The following DRC11 variants were observed in gnomAD, a reference collection of about 807,000 sequenced individuals.
DRC11 encodes the protein dynein regulatory complex subunit 11.
At chr2:236,503,750 C>T in the DRC11 span, 6 of 1,497,048 alleles carry the variant, frequency 4.0e-6, no homozygotes, top group Non-Finnish European at 5.5e-6. This position sits in a 1 kb window ranked among gnomAD's most constrained non-coding sequence, Gnocchi z 4.9. Context: ...GACCACACCC[C>T]CTCCCACACT....
At chr2:236,380,432 T>G in the DRC11 span, 1 of 673,794 alleles carries the variant, frequency 1.5e-6, no homozygotes, top group Non-Finnish European at 2.6e-6. This position sits in a 1 kb window ranked among gnomAD's most constrained non-coding sequence, Gnocchi z 4.9. Context: ...TGTAGGGACT[T>G]AGAGGTGGCT....
At chr2:236,426,563 C>A in the DRC11 span, among the ~76,000 whole-genome samples, 1 of 151,952 alleles carries the variant, frequency 6.6e-6, no homozygotes, top group African/African-American at 2.4e-5. This position sits in a 1 kb window ranked among gnomAD's most constrained non-coding sequence, Gnocchi z 4.1. Context: ...TTTCCTTTTT[C>A]TTTTTCAAAA....
the DRC11 span, among the ~76,000 whole-genome samples, chr2:236,401,501 C>G: frequency 6.6e-6 from 1 of 152,164 alleles, no homozygotes; most frequent in Non-Finnish European, 1.5e-5. The surrounding 1 kb of genome is among the most constrained non-coding windows in gnomAD (Gnocchi z 4.6). Context: ...CTGGATGAAA[C>G]AAGAAGAGGG....
chr2:236,342,453 G>A, the DRC11 span, among the ~76,000 whole-genome samples: 21 of 152,308 alleles, frequency 1.4e-4, no homozygotes, highest in East Asian at 3.5e-3. This position sits in a 1 kb window ranked among gnomAD's most constrained non-coding sequence, Gnocchi z 5.8. Context: ...TGGCCACCTG[G>A]GGCCCTGGTG....
chr2:236,478,283 T>C, the DRC11 span, among the ~76,000 whole-genome samples: 1 of 152,224 alleles, frequency 6.6e-6, no homozygotes, highest in African/African-American at 2.4e-5. This position sits in a 1 kb window ranked among gnomAD's most constrained non-coding sequence, Gnocchi z 5.9. Flanking sequence ...AAAATTTTCC[T>C]CTTAATTTCT....
At chr2:236,404,611 T>A in the DRC11 span, among the ~76,000 whole-genome samples, 1 of 152,220 alleles carries the variant, frequency 6.6e-6, no homozygotes, top group Non-Finnish European at 1.5e-5. Flanking sequence ...CTTTGCGGCA[T>A]GTGAAGGTGG....
chr2:236,497,498 A>G, the DRC11 span: 1 of 1,580,544 alleles, frequency 6.3e-7, no homozygotes, highest in African/African-American at 1.4e-5. The surrounding 1 kb of genome is among the most constrained non-coding windows in gnomAD (Gnocchi z 5.1). Flanking sequence ...CTGGGGGAAG[A>G]GAGAGAATTT....
the DRC11 span, among the ~76,000 whole-genome samples, chr2:236,435,316 G>T: frequency 2.3e-3 from 345 of 152,358 alleles, 1 homozygote; most frequent in African/African-American, 7.8e-3. Context: ...CATGGCAGGG[G>T]TCAGCAAATT....
the DRC11 span, among the ~76,000 whole-genome samples, chr2:236,438,264 G>A: frequency 0.01 from 1,363 of 134,586 alleles, 16 homozygotes; most frequent in African/African-American, 0.037. Context: ...GATATGCGGC[G>A]TTATTTCTGA....
At chr2:236,405,444 C>A in the DRC11 span, among the ~76,000 whole-genome samples, 2 of 151,690 alleles carry the variant, frequency 1.3e-5, no homozygotes, top group African/African-American at 4.8e-5. This position sits in a 1 kb window ranked among gnomAD's most constrained non-coding sequence, Gnocchi z 4.6. Context: ...GTTTTCTGGG[C>A]CTTGCTTTCT....
At chr2:236,470,758 C>G in the DRC11 span, among the ~76,000 whole-genome samples, 210 of 152,244 alleles carry the variant, frequency 1.4e-3, 1 homozygote, top group African/African-American at 4.7e-3. This position sits in a 1 kb window ranked among gnomAD's most constrained non-coding sequence, Gnocchi z 5.1. Flanking sequence ...TGATGGTTTG[C>G]TTTTGCCCTC....
At chr2:236,448,887 T>C in the DRC11 span, among the ~76,000 whole-genome samples, 1 of 151,500 alleles carries the variant, frequency 6.6e-6, no homozygotes, top group Non-Finnish European at 1.5e-5. The surrounding 1 kb of genome is among the most constrained non-coding windows in gnomAD (Gnocchi z 5.3). Context: ...TGAGATGGAG[T>C]CTCGCTCTGT....
At chr2:236,463,525 A>G in the DRC11 span, among the ~76,000 whole-genome samples, 4 of 152,196 alleles carry the variant, frequency 2.6e-5, no homozygotes, top group African/African-American at 9.7e-5. This position sits in a 1 kb window ranked among gnomAD's most constrained non-coding sequence, Gnocchi z 5.0. Context: ...TATTGTAGGA[A>G]AAGATGGAAC....
At chr2:236,482,512 G>C in the DRC11 span, among the ~76,000 whole-genome samples, 1 of 152,138 alleles carries the variant, frequency 6.6e-6, no homozygotes, top group Non-Finnish European at 1.5e-5. The surrounding 1 kb of genome is among the most constrained non-coding windows in gnomAD (Gnocchi z 4.5). Flanking sequence ...TGTTAAGAAT[G>C]AGCATCTCAT....
chr2:236,435,446 C>T, the DRC11 span, among the ~76,000 whole-genome samples: 1 of 152,120 alleles, frequency 6.6e-6, no homozygotes, highest in African/African-American at 2.4e-5. Flanking sequence ...CGGTATTAGT[C>T]CATTCTCACA....
chr2:236,466,857 T>C, the DRC11 span, among the ~76,000 whole-genome samples: 1 of 152,320 alleles, frequency 6.6e-6, no homozygotes, highest in Admixed American at 6.5e-5. Context: ...CTTTTTTGTA[T>C]TCAGTTTTCA....
the DRC11 span, among the ~76,000 whole-genome samples, chr2:236,433,638 T>C: frequency 6.6e-6 from 1 of 152,236 alleles, no homozygotes; most frequent in Admixed American, 6.5e-5. Flanking sequence ...AGTTTTTTAG[T>C]TTATTCTCTT....
chr2:236,504,826 T>C, the DRC11 span, among the ~76,000 whole-genome samples: 1 of 152,212 alleles, frequency 6.6e-6, no homozygotes, highest in Non-Finnish European at 1.5e-5. This position sits in a 1 kb window ranked among gnomAD's most constrained non-coding sequence, Gnocchi z 5.0. Context: ...GCTCTGCAAT[T>C]TTCCTTGCTG....
the DRC11 span, among the ~76,000 whole-genome samples, chr2:236,358,259 TG>T: frequency 7.5e-6 from 1 of 132,502 alleles, no homozygotes; most frequent in Non-Finnish European, 1.5e-5. Flanking sequence ...GTATACTATA[TG>T]AATATATAAT....
Sources: gnomAD v4.1 joint callset for allele counts (sites outside exome capture counted in the v4.1 genomes callset) on GRCh38, gnomAD v4.1.1 for gene constraint, Gnocchi (gnomAD v3.1) non-coding constraint, MANE v1.5 for transcripts, NCBI Gene and HGNC (gene_info 2026-07-23, HGNC 2026-07-21) for gene names.